ZNF17: variants seen among roughly 807,000 people sequenced by gnomAD.
ZNF17 encodes zinc finger protein 17 (HPF3, KOX 10).
ZNF17 carries 4 observed loss-of-function variants against 7.7 expected under a neutral mutation model. The ratio of observed to expected loss-of-function variants is 0.52; its 90% CI spans 0.26 to 1.20. ZNF17 has a LOEUF of 1.20. Among genes scored for constraint, ZNF17 ranks in the 50% most tolerant of loss-of-function variants. ZNF17 has a pLI of 0.14. For synonymous variants in ZNF17, 249 were observed against 258.8 expected, an observed-to-expected ratio of 0.96 and a Z score of 0.36; for missense variants, 738 against 799.5, an observed-to-expected ratio of 0.92 and a Z score of 0.93.
chr19:57,417,949 C>G lies in ZNF17; in HGVS notation c.59C>G (p.Ser20Cys). Residue 20 changes from serine (S) to cysteine (C), a missense_variant, in exon 3 of 4, where the codon TCC becomes TGC. Around this residue, in one of 3 missense-constraint regions of ZNF17, gnomAD observed 616 missense variants for 663.9 expected, o/e 0.93. Coordinates refer to ENST00000307658, the MANE Select transcript of ZNF17 (RefSeq NM_001330617.2). ...MVFEDVAIHFSQEEWGILNDV... is the reference protein window; with the variant it reads ...MVFEDVAIHFCQEEWGILNDV... ...TTTGAGGACGTGGCCATACATTTCT[C>G]CCAGGAGGAGTGGGGAATTCTTAAT... 2 of 1,613,960 alleles carry G rather than the reference C, an allele frequency of 1.2e-6. No individual in the cohort carries two copies. Among genetic ancestry groups the G allele is most frequent in the Non-Finnish European group, 1.7e-6 (2 of 1,180,014 alleles).
rs1359320463 is a variant in ZNF17, at chr19:57,421,093, T to G, written c.1607T>G (p.Phe536Cys). Residue 536 changes from phenylalanine (F) to cysteine (C), a missense_variant, in exon 4 of 4, where the codon TTC (phenylalanine) becomes TGC (cysteine). Coordinates refer to ENST00000307658, the MANE Select transcript of ZNF17 (RefSeq NM_001330617.2). ...TATGAGTGTAGTGAATGTGGGAAAT[T>G]CTTTAGGCACAACTCAAATCATATT... ...RPYECSECGK[F>C]FRHNSNHIRH... 4.3e-6 allele frequency: 7 copies of G among 1,614,074 alleles called. No homozygotes were observed. The highest frequency in any genetic ancestry group is 5.9e-6 in the Non-Finnish European group (7 of 1,179,920).
At chr19:57,415,792 G>C (rs973676011) in intron 2 of ZNF17, among the ~76,000 whole-genome samples, 1 of 152,162 alleles carries the variant, frequency 6.6e-6, no homozygotes, top group Non-Finnish European at 1.5e-5. Context: ...AAAGAGGTGA[G>C]ATGATAGTGA....
Position 57,419,753 on chromosome 19 carries a change from G to A in ZNF17, c.267G>A (p.Glu89=), listed in dbSNP as rs2088835215. Reference sequence around the variant, plus strand: ...CCACCCAGAAGGCCCAGCCCTGTGAGACATGTAGCTCACTTCTGAAGGACA... The same window carrying A: ...CCACCCAGAAGGCCCAGCCCTGTGAAACATGTAGCTCACTTCTGAAGGACA... ...ALSTQKAQPC[E]TCSSLLKDIL... Residue 89 remains glutamate, a synonymous_variant, in exon 4 of 4, where the codon GAG becomes GAA. Coordinates refer to ENST00000307658, the MANE Select transcript of ZNF17 (RefSeq NM_001330617.2). 1.2e-6 allele frequency: 2 copies of A among 1,614,058 alleles called. No homozygotes were observed. Among genetic ancestry groups the A allele is most frequent in the Non-Finnish European group, 1.7e-6 (2 of 1,180,036 alleles).
chr19:57,420,650 T>C lies in ZNF17; in HGVS notation c.1164T>C (p.Tyr388=). 1 of 1,613,346 alleles carries C rather than the reference T, an allele frequency of 6.2e-7. No individual in the cohort carries two copies. Among genetic ancestry groups the C allele is most frequent in the Non-Finnish European group, 8.5e-7 (1 of 1,179,412 alleles). The change falls in exon 4 of 4, where the codon TAT becomes TAC. Residue 388 remains tyrosine (Y), a synonymous_variant. Coordinates refer to ENST00000307658, the MANE Select transcript of ZNF17 (RefSeq NM_001330617.2). ...GAGTTCATACTGGAGAAAAACCTTA[T>C]GAATGCAACGAATGTGGGAAATTCT... is the stretch of plus-strand genomic sequence containing the variant. The part of the protein sequence containing the change: ...HQRVHTGEKP[Y]ECNECGKFFR...
In ZNF17 at chr19:57,420,717, A is replaced by G. The variant is rs753942343; in HGVS notation, c.1231A>G (p.Thr411Ala). The G allele has an allele frequency of 1.9e-6, 3 of 1,614,094 alleles. No individual in the cohort carries two copies. The highest frequency in any genetic ancestry group is 4.5e-5 in the East Asian group (2 of 44,876). ...STLIRHQKVH[T>A]GEKPYECSEC... ...ACTCATTAGACATCAGAAAGTTCACACTGGAGAAAAGCCTTATGAGTGTAG... is the reference window on the plus strand; with the variant it reads ...ACTCATTAGACATCAGAAAGTTCACGCTGGAGAAAAGCCTTATGAGTGTAG... The change falls in exon 4 of 4, where the codon ACT becomes GCT. Residue 411 changes from threonine to alanine, a missense_variant. By Grantham distance (58) the Thr-to-Ala change is moderately conservative. Coordinates refer to ENST00000307658, the MANE Select transcript of ZNF17 (RefSeq NM_001330617.2).
intron 1 of ZNF17, among the ~76,000 whole-genome samples, chr19:57,412,257 G>GA (rs2088782116): frequency 6.6e-6 from 1 of 152,112 alleles, no homozygotes; most frequent in Non-Finnish European, 1.5e-5. Context: ...GGAACAATAG[G>GA]AAGGTCATCC....
At position 57,411,398 on chromosome 19, in the gene ZNF17, C is replaced by T. The variant is rs747065682; in HGVS notation, c.-29C>T. On this transcript the variant is annotated 5_prime_UTR_variant, in exon 1 of 4. Transcript: ENST00000307658. The stretch of plus-strand genomic sequence containing the variant: ...GCTGGCGGAGGCTGCGCCGATGAAC[C>T]TGACTGAGGTGGGTGCCGCGTCCCA... 3.7e-6 allele frequency: 6 copies of T among 1,612,482 alleles called. No individual in the cohort carries two copies. In the Admixed American group the frequency reaches 5.0e-5, roughly 13 times the overall value.
At position 57,421,341 on chromosome 19, in the gene ZNF17, A is replaced by T. The variant is rs2123073463; in HGVS notation, c.1855A>T (p.Lys619Ter). The T allele has an allele frequency of 1.2e-6, 2 of 1,614,162 alleles. No individual in the cohort carries two copies. Among genetic ancestry groups the T allele is most frequent in the East Asian group, 4.5e-5 (2 of 44,874 alleles). ...EKPYECSECG[K>*]VFRYNSSLIK... ...GCCTTATGAGTGCAGTGAATGTGGG[A>T]AAGTCTTTAGATACAACTCCAGCCT... is the stretch of plus-strand genomic sequence containing the variant. The change falls in exon 4 of 4, where the codon AAA becomes TAA. Residue 619 changes from lysine (K) to a stop codon, truncating the protein, a stop_gained. Coordinates refer to ENST00000307658, the MANE Select transcript of ZNF17 (RefSeq NM_001330617.2). LOFTEE classifies it low-confidence loss of function (END_TRUNC).
chr19:57,411,172 T>C lies in ZNF17; in HGVS notation c.-255T>C, dbSNP rs771124051. On this transcript the variant is annotated 5_prime_UTR_variant, in exon 1 of 4. Transcript: ENST00000307658. ...GGGCGGGACTTCCTGCAACGCCTCCTGGGGTTGTCAATATGGCTGCGTTGG... is the reference window on the plus strand; with the variant it reads ...GGGCGGGACTTCCTGCAACGCCTCCCGGGGTTGTCAATATGGCTGCGTTGG... 3 of 584,968 alleles carry C rather than the reference T, an allele frequency of 5.1e-6. No individual in the cohort carries two copies. The highest frequency in any genetic ancestry group is 5.3e-5 in the South Asian group (2 of 37,874). The allele number at this position is 584,968 out of a possible 1,614,324, so 36.2% of individuals were successfully genotyped here.
At position 57,421,269 on chromosome 19, in the gene ZNF17, GACAGCTCC is replaced by G. The variant is rs2088849803; in HGVS notation, c.1787_1794del (p.Ser596ThrfsTer3). On this transcript the variant is annotated frameshift_variant, in exon 4 of 4. Coordinates refer to ENST00000307658, the MANE Select transcript of ZNF17 (RefSeq NM_001330617.2). LOFTEE classifies it low-confidence loss of function (END_TRUNC). ...CAGCAAATGTGGGAAATTTTTTATG[GACAGCTCC>G]ACACTCATTAGTCATGAGAGAGTTC... The G allele has an allele frequency of 1.2e-6, 2 of 1,613,664 alleles. No individual in the cohort carries two copies. The highest frequency in any genetic ancestry group is 1.7e-6 in the Non-Finnish European group (2 of 1,179,908).
In ZNF17 at chr19:57,411,358, C is replaced by T. The variant is rs368574553; in HGVS notation, c.-69C>T. The T allele has an allele frequency of 2.7e-4, 438 of 1,611,594 alleles. No individual in the cohort carries two copies. Among genetic ancestry groups the T allele is most frequent in the African/African-American group, 2.8e-4 (21 of 74,926 alleles). ...CCAGGTCACTGCCGCTCCCGCCCCG[C>T]TCTTCCCTGGCTGTGCTGGCGGAGG... is the stretch of plus-strand genomic sequence containing the variant. On this transcript the variant is annotated 5_prime_UTR_variant, in exon 1 of 4. Transcript: ENST00000307658.
chr19:57,414,159 G>A (rs560401651), intron 2 of ZNF17, among the ~76,000 whole-genome samples: 3 of 151,812 alleles, frequency 2.0e-5, no homozygotes, highest in Admixed American at 6.6e-5. Context: ...CCGGCCTCCC[G>A]AGTAGCTGGG....
chr19:57,420,269 C>T lies in ZNF17; in HGVS notation c.783C>T (p.Tyr261=). The T allele has an allele frequency of 6.2e-7, 1 of 1,614,104 alleles. No homozygotes were observed. The highest frequency in any genetic ancestry group is 8.5e-7 in the Non-Finnish European group (1 of 1,180,010). The change falls in exon 4 of 4, where the codon TAC becomes TAT. Residue 261 remains tyrosine (Y), a synonymous_variant. Transcript: ENST00000307658. ...GTGGAAAAGCCTTCAGCCTCAAATA[C>T]AATGTTGTTCAACACCAGAAAATTC... The part of the protein sequence containing the change: ...SECGKAFSLK[Y]NVVQHQKIHT...
chr19:57,413,784 C>A, intron 2 of ZNF17, 148 bp downstream of exon 2: 3 of 938,588 alleles, frequency 3.2e-6, no homozygotes, highest in Non-Finnish European at 4.9e-6. Context: ...ACCTGGGTTC[C>A]AAACTCAGTG....
chr19:57,412,738 C>G (rs2088786250), intron 1 of ZNF17, among the ~76,000 whole-genome samples: 1 of 152,136 alleles, frequency 6.6e-6, no homozygotes, highest in Admixed American at 6.5e-5. Context: ...GCCACCGCGC[C>G]CGGCCGAATG....
In ZNF17 at chr19:57,419,945, G is replaced by T. The variant is rs376121397; in HGVS notation, c.459G>T (p.Gln153His). 36 of 1,614,088 alleles carry T rather than the reference G, an allele frequency of 2.2e-5. No homozygotes were observed. The highest frequency in any genetic ancestry group is 1.6e-4 in the East Asian group (7 of 44,896). The change falls in exon 4 of 4, where the codon CAG (glutamine) becomes CAT (histidine). Residue 153 changes from glutamine to histidine, a missense_variant. This residue lies in a region of ZNF17 where 616 missense variants were observed against 663.9 expected (regional missense o/e 0.93). Coordinates refer to ENST00000307658, the MANE Select transcript of ZNF17 (RefSeq NM_001330617.2). Reference sequence around the variant, plus strand: ...CAAAGAGGAACCTCACATGCATGCAGGGTGGCAAGGATTTTACTGGTGATT... The same window carrying T: ...CAAAGAGGAACCTCACATGCATGCATGGTGGCAAGGATTTTACTGGTGATT... ...HLAKRNLTCM[Q>H]GGKDFTGDSD...
chr19:57,418,095 T>G, intron 3 of ZNF17, 57 bp downstream of exon 3: 1 of 1,578,726 alleles, frequency 6.3e-7, no homozygotes, highest in Non-Finnish European at 8.6e-7. Context: ...TTTCACTTTT[T>G]TCCTTGGCAT....
Position 57,416,572 on chromosome 19 carries a change from G to A in ZNF17, c.22-1340G>A, listed in dbSNP as rs144919622. Among the ~76,000 whole-genome samples, 932 of 152,034 alleles carry A rather than the reference G, an allele frequency of 6.1e-3. 7 individuals carry two copies. The highest frequency in any genetic ancestry group is 0.021 in the African/African-American group (884 of 41,456). On this transcript the variant is annotated intron_variant, in intron 2 of 3. Transcript: ENST00000307658. ...GTTGCCCAGGATGGAGTGCAGTGGC[G>A]CGATCTCGGCTCACTGCAACCTCTG...
chr19:57,414,624 C>T (rs554751954), intron 2 of ZNF17, among the ~76,000 whole-genome samples: 24 of 151,458 alleles, frequency 1.6e-4, no homozygotes, highest in African/African-American at 5.8e-4. Context: ...TATGAGCCAC[C>T]GTGCCCAGTG....
Sources: gnomAD v4.1 joint callset for allele counts (sites outside exome capture counted in the v4.1 genomes callset) on GRCh38, gnomAD v4.1.1 for gene constraint, gnomAD v4.1.1 regional missense constraint, MANE v1.5 for transcripts, NCBI Gene and HGNC (gene_info 2026-07-23, HGNC 2026-07-21) for gene names.